Variants in ADCY9 observed in about 807,000 individuals in gnomAD.
ADCY9 encodes adenylate cyclase 9, also known as adenylate cyclase type 9.
A neutral mutation model predicts 101.5 loss-of-function variants in ADCY9; 50 were observed. The ratio of observed to expected loss-of-function variants is 0.49; its 90% CI spans 0.39 to 0.62. ADCY9 has a LOEUF of 0.62. ADCY9 is among the 20% of genes least tolerant of loss of function. The pLI is 0.00. For synonymous variants in ADCY9, 905 were observed against 769.3 expected (o/e 1.18, Z -2.92); for missense variants, 1,662 against 1,800.4 (o/e 0.92, Z 1.39).
intron 3 of ADCY9, among the ~76,000 whole-genome samples, chr16:4,001,008 C>CACACACATAT (rs3222326): frequency 1.5e-5 from 2 of 135,626 alleles, no homozygotes; most frequent in Non-Finnish European, 3.5e-5. Context: ...CACACACACA[C>CACACACATAT]ATATATAATT....
intron 6 of ADCY9, among the ~76,000 whole-genome samples, chr16:3,985,771 C>T (rs1174393150): frequency 3.3e-5 from 5 of 152,140 alleles, no homozygotes; most frequent in Non-Finnish European, 7.4e-5. Flanking sequence ...CCTCCACCTC[C>T]CTTGCAGTCT....
chr16:4,038,122 T>A (rs916591109), intron 2 of ADCY9, among the ~76,000 whole-genome samples: 4 of 152,018 alleles, frequency 2.6e-5, no homozygotes, highest in Admixed American at 1.3e-4. Context: ...AAAAACAAAA[T>A]TGTTTTTAAT....
intron 5 of ADCY9, among the ~76,000 whole-genome samples, chr16:3,954,031 C>T (rs552074501): frequency 6.6e-6 from 1 of 152,208 alleles, no homozygotes; most frequent in Non-Finnish European, 1.5e-5. Context: ...GTGAAACTGA[C>T]TCAGGATTTC....
At chr16:4,053,665 G>A (rs953222356) in intron 2 of ADCY9, among the ~76,000 whole-genome samples, 6 of 117,760 alleles carry the variant, frequency 5.1e-5, no homozygotes, top group African/African-American at 2.0e-4. Context: ...AACCGGCAAG[G>A]TCACAAAATA....
chr16:4,041,517 A>T (rs2056626604), intron 2 of ADCY9, among the ~76,000 whole-genome samples: 1 of 150,748 alleles, frequency 6.6e-6, no homozygotes, highest in African/African-American at 2.5e-5. Context: ...AAAAAAAAAA[A>T]AAAAAAAAAA....
Position 3,992,375 on chromosome 16 carries a change from C to T in ADCY9, c.1990-12G>A, listed in dbSNP as rs1300840914. 2.5e-6 allele frequency: 4 copies of T among 1,612,744 alleles called. No individual in the cohort carries two copies. The South Asian group carries it at 4.4e-5, about 18-fold the overall frequency. The stretch of plus-strand genomic sequence containing the variant: ...GGTCCTCCAGAAGCCTGCCTCGAGA[C>T]AAAGAGGACGCAGACACGGGAAGTG... On this transcript the variant is annotated splice_polypyrimidine_tract_variant and intron_variant, in intron 4 of 10. Transcript: ENST00000294016. The surrounding 1 kb of genome is among the most constrained non-coding windows in gnomAD (Gnocchi z 4.2).
At chr16:4,076,517 T>C (rs1445608739) in intron 2 of ADCY9, among the ~76,000 whole-genome samples, 1 of 152,222 alleles carries the variant, frequency 6.6e-6, no homozygotes, top group Non-Finnish European at 1.5e-5. Context: ...AGATGAAATA[T>C]TCCCAAGCTC....
chr16:3,992,345 G>A lies in ADCY9; in HGVS notation c.2008C>T (p.Pro670Ser). ...CTGAGGAGCCCGTTCTGAGTTTTGG[G>A]ATTAGGTCCTCCAGAAGCCTGCCTC... ...NSTKASGGPNPKTQNGLLSPP... is the reference protein window; with the variant it reads ...NSTKASGGPNSKTQNGLLSPP... The change falls in exon 5 of 11, where the codon CCC becomes TCC. Residue 670 changes from proline (P) to serine (S), a missense_variant. Transcript: ENST00000294016. The surrounding 1 kb of genome is among the most constrained non-coding windows in gnomAD (Gnocchi z 4.2). 1 of 1,614,038 alleles carries A rather than the reference G, an allele frequency of 6.2e-7. No individual in the cohort carries two copies. The highest frequency in any genetic ancestry group is 8.5e-7 in the Non-Finnish European group (1 of 1,180,024).
chr16:4,039,524 C>T (rs904739104), intron 2 of ADCY9, among the ~76,000 whole-genome samples: 4 of 151,498 alleles, frequency 2.6e-5, no homozygotes, highest in Non-Finnish European at 4.4e-5. Context: ...ACTAAAAATA[C>T]AAAAATTAGC....
At chr16:4,030,309 G>A (rs2056546478) in intron 2 of ADCY9, among the ~76,000 whole-genome samples, 1 of 152,086 alleles carries the variant, frequency 6.6e-6, no homozygotes, top group African/African-American at 2.4e-5. Flanking sequence ...TGACCGAGAA[G>A]GCACAACAGC....
intron 7 of ADCY9, chr16:3,982,093 T>C: frequency 6.6e-6 from 1 of 151,760 alleles, no homozygotes; most frequent in Non-Finnish European, 1.5e-5. Flanking sequence ...TCGCTGGGGG[T>C]GATGGGGCAT....
intron 2 of ADCY9, among the ~76,000 whole-genome samples, chr16:4,044,038 A>T (rs59862954): frequency 0.2 from 30,922 of 152,018 alleles, 3,788 homozygotes; most frequent in Non-Finnish European, 0.27. Flanking sequence ...AACCATCTAA[A>T]CTACAAAGAA....
At chr16:4,097,487 T>TATATATACATACACACAC (rs76750792) in intron 2 of ADCY9, among the ~76,000 whole-genome samples, 1 of 72,508 alleles carries the variant, frequency 1.4e-5, no homozygotes, top group Non-Finnish European at 2.7e-5. Context: ...TATATATATA[T>TATATATACATACACACAC]ACACACACAC....
intron 9 of ADCY9, among the ~76,000 whole-genome samples, chr16:3,976,580 A>C (rs958466045): frequency 3.9e-5 from 6 of 152,170 alleles, no homozygotes; most frequent in Non-Finnish European, 5.9e-5. Flanking sequence ...AGGATTTCAA[A>C]ATAAAAGACC....
At chr16:3,988,412 G>C (rs1017789537) in intron 6 of ADCY9, among the ~76,000 whole-genome samples, 2 of 150,832 alleles carry the variant, frequency 1.3e-5, no homozygotes, top group Non-Finnish European at 3.0e-5. Context: ...GGCTCTTCCA[G>C]GGCAGGTCGG....
chr16:4,034,337 T>G (rs2056575725), intron 2 of ADCY9, among the ~76,000 whole-genome samples: 2 of 152,190 alleles, frequency 1.3e-5, no homozygotes, highest in Non-Finnish European at 1.5e-5. Flanking sequence ...TAGGCTTCCA[T>G]GCCATATAAT....
At chr16:3,986,698 T>G (rs1170477749) in intron 6 of ADCY9, among the ~76,000 whole-genome samples, 3 of 152,142 alleles carry the variant, frequency 2.0e-5, no homozygotes, top group South Asian at 2.1e-4. Context: ...CCTCAGGTGA[T>G]CTGCCCGCCT....
chr16:4,018,743 G>C (rs183538118), intron 2 of ADCY9, among the ~76,000 whole-genome samples: 35 of 152,278 alleles, frequency 2.3e-4, no homozygotes, highest in Admixed American at 7.8e-4. Context: ...CTGGGGCAGA[G>C]GCTGACAGTT....
At chr16:4,060,078 T>C (rs1358260815) in intron 2 of ADCY9, among the ~76,000 whole-genome samples, 1 of 152,024 alleles carries the variant, frequency 6.6e-6, no homozygotes. Context: ...GGGGTTGACT[T>C]GATTTGGAGG....
Sources: gnomAD v4.1 joint callset for allele counts (sites outside exome capture counted in the v4.1 genomes callset) on GRCh38, gnomAD v4.1.1 for gene constraint, Gnocchi (gnomAD v3.1) non-coding constraint, MANE v1.5 for transcripts, NCBI Gene and HGNC (gene_info 2026-07-23, HGNC 2026-07-21) for gene names.